PXT1: variants seen among roughly 807,000 people sequenced by gnomAD.
PXT1 encodes peroxisomal testis-specific protein 1.
A neutral mutation model predicts 11.0 loss-of-function variants in PXT1; 11 were observed. The observed-to-expected ratio is 1.00, with a 90% CI of 0.63 to 1.66. The LOEUF is 1.66. Ranked by LOEUF, PXT1 falls within the 40% of genes most tolerant of loss-of-function variation. The pLI is 0.00. For missense variants in PXT1, 141 were observed against 155.5 expected, an observed-to-expected ratio of 0.91 and a Z score of 0.49; for synonymous variants, 43 against 51.4, an observed-to-expected ratio of 0.84 and a Z score of 0.70.
At chr6:36,408,160 C>A (rs1407635285) in intron 3 of PXT1, among the ~76,000 whole-genome samples, 1 of 151,448 alleles carries the variant, frequency 6.6e-6, no homozygotes, top group Non-Finnish European at 1.5e-5. Context: ...TAGGGTTTCA[C>A]TATGTTGGTC....
intron 4 of PXT1, among the ~76,000 whole-genome samples, chr6:36,399,301 A>G (rs1167537509): frequency 6.6e-6 from 1 of 152,044 alleles, no homozygotes; most frequent in African/African-American, 2.4e-5. Flanking sequence ...GTGTGCCACC[A>G]TGCCTGACTA....
At chr6:36,439,538 G>C (rs561347695) in intron 1 of PXT1, among the ~76,000 whole-genome samples, 1 of 151,324 alleles carries the variant, frequency 6.6e-6, no homozygotes, top group East Asian at 2.0e-4. Context: ...GCTTGAATCC[G>C]GGAGGTGGAG....
At chr6:36,398,559 G>A (rs1350014802) in intron 4 of PXT1, among the ~76,000 whole-genome samples, 1 of 152,150 alleles carries the variant, frequency 6.6e-6, no homozygotes, top group Non-Finnish European at 1.5e-5. Flanking sequence ...GTAAAATACT[G>A]ATACATGCTA....
intron 2 of PXT1, among the ~76,000 whole-genome samples, chr6:36,427,549 C>T (rs1774625454): frequency 6.6e-6 from 1 of 152,014 alleles, no homozygotes; most frequent in Admixed American, 6.5e-5. Context: ...TTTAAGTTTT[C>T]TAGTAGCTAC....
Position 36,426,102 on chromosome 6 carries a change from A to G in PXT1, c.-9-11T>C, listed in dbSNP as rs1217074292. On this transcript the variant is annotated splice_polypyrimidine_tract_variant and intron_variant, in intron 2 of 4. Coordinates refer to ENST00000454782, the MANE Select transcript of PXT1 (RefSeq NM_152990.4). The stretch of plus-strand genomic sequence containing the variant: ...CTTCATGTTTTTTCCCTGTTGAAAA[A>G]CATATTTTCAGAGGCTTTCCCCCAT... 1 of 1,474,356 alleles carries G rather than the reference A, an allele frequency of 6.8e-7. No homozygotes were observed. Among genetic ancestry groups the G allele is most frequent in the Admixed American group, 2.3e-5 (1 of 43,496 alleles). 91.3% of individuals were successfully genotyped at this position (1,474,356 alleles called of 1,614,324 possible).
intron 3 of PXT1, among the ~76,000 whole-genome samples, chr6:36,415,222 C>T (rs1055601547): frequency 6.6e-6 from 1 of 152,100 alleles, no homozygotes; most frequent in Non-Finnish European, 1.5e-5. Context: ...GCAAGTGGAT[C>T]ATCTGAGGTC....
At chr6:36,413,843 T>C (rs1385191375) in intron 3 of PXT1, among the ~76,000 whole-genome samples, 2 of 151,756 alleles carry the variant, frequency 1.3e-5, no homozygotes, top group Non-Finnish European at 2.9e-5. Flanking sequence ...ACAAAAAAAT[T>C]TAAAAATTAG....
intron 3 of PXT1, among the ~76,000 whole-genome samples, chr6:36,415,668 G>A: frequency 6.6e-6 from 1 of 152,166 alleles, no homozygotes; most frequent in East Asian, 1.9e-4. Flanking sequence ...GCAGTAGCTG[G>A]AGGAGGTGTG....
At chr6:36,431,504 T>A (rs1022737657) in intron 2 of PXT1, among the ~76,000 whole-genome samples, 1 of 152,160 alleles carries the variant, frequency 6.6e-6, no homozygotes, top group African/African-American at 2.4e-5. Flanking sequence ...CGGTGGCTCA[T>A]GCCTGTAATC....
intron 3 of PXT1, among the ~76,000 whole-genome samples, chr6:36,422,592 T>C (rs533539811): frequency 6.6e-6 from 1 of 152,296 alleles, no homozygotes; most frequent in East Asian, 1.9e-4. Flanking sequence ...GTCATCTCAG[T>C]ACCTAGCACA....
intron 3 of PXT1, among the ~76,000 whole-genome samples, chr6:36,412,658 C>CAA (rs70975156): frequency 0.25 from 36,835 of 145,848 alleles, 4,664 homozygotes; most frequent in East Asian, 0.39. Flanking sequence ...GACTCCGTCT[C>CAA]AAAAAAAAAA....
intron 3 of PXT1, among the ~76,000 whole-genome samples, chr6:36,406,285 G>A (rs1334813101): frequency 1.3e-5 from 2 of 152,104 alleles, no homozygotes; most frequent in Non-Finnish European, 2.9e-5. Context: ...GCCTGGCCAA[G>A]TACTCAGAAC....
chr6:36,411,936 A>G (rs1172087094), intron 3 of PXT1, among the ~76,000 whole-genome samples: 2 of 152,184 alleles, frequency 1.3e-5, no homozygotes, highest in Non-Finnish European at 2.9e-5. Context: ...TAATAGAGTA[A>G]GACCTTGCCA....
At chr6:36,412,596 G>C (rs1034734876) in intron 3 of PXT1, among the ~76,000 whole-genome samples, 3 of 151,214 alleles carry the variant, frequency 2.0e-5, no homozygotes, top group Non-Finnish European at 1.5e-5. Context: ...GAAGGCGGAG[G>C]TTGCAGTGAG....
intron 1 of PXT1, among the ~76,000 whole-genome samples, chr6:36,439,129 G>C (rs1774817231): frequency 6.6e-6 from 1 of 151,434 alleles, no homozygotes; most frequent in Non-Finnish European, 1.5e-5. Context: ...CTCTCAAGTA[G>C]CTGGGATTAC....
At chr6:36,427,052 C>G (rs1774619281) in intron 2 of PXT1, among the ~76,000 whole-genome samples, 1 of 151,226 alleles carries the variant, frequency 6.6e-6, no homozygotes, top group East Asian at 1.9e-4. Context: ...CTCTGTCGCC[C>G]AGGCTGGAGT....
rs1375862699 is a variant in PXT1, at chr6:36,425,929, T to C, written c.154A>G (p.Met52Val). ...AATATCTTACCTGGGTTCCTTGACA[T>C]GGCTGGAACTGGCTGGGAGCTGACA... ...QLVSSQPVPA[M>V]SRNPDHNLLS... Residue 52 changes from methionine (M) to valine (V), a missense_variant, in exon 3 of 5, where the codon ATG (methionine) becomes GTG (valine). By Grantham distance (21) the Met-to-Val change is conservative. Transcript: ENST00000454782. 6.5e-7 allele frequency: 1 copy of C among 1,534,176 alleles called. No homozygotes were observed. The highest frequency in any genetic ancestry group is 1.4e-5 in the African/African-American group (1 of 72,910).
At chr6:36,437,114 C>T (rs930613239) in intron 2 of PXT1, among the ~76,000 whole-genome samples, 4 of 151,990 alleles carry the variant, frequency 2.6e-5, no homozygotes, top group African/African-American at 7.3e-5. Flanking sequence ...GGTGAAACCC[C>T]TGTCTCTACT....
chr6:36,396,845 A>G (rs538816912), intron 4 of PXT1, among the ~76,000 whole-genome samples: 105 of 152,232 alleles, frequency 6.9e-4, no homozygotes, highest in African/African-American at 2.5e-3. Context: ...ATGAGGAAAC[A>G]ACAAGTTGCA....
Sources: allele counts gnomAD v4.1 joint callset (sites outside exome capture counted in the v4.1 genomes callset), GRCh38; gene constraint gnomAD v4.1.1; transcripts MANE v1.5; gene names NCBI Gene and HGNC (gene_info 2026-07-23, HGNC 2026-07-21).